The following ZFHX3 variants were observed in gnomAD, a reference collection of about 807,000 sequenced individuals.
ZFHX3 encodes zinc finger homeobox 3, also known as zinc finger homeobox protein 3.
In ZFHX3, 42 loss-of-function variants were observed where a neutral mutation model predicts 279.1. The observed-to-expected ratio is 0.15, with a 90% CI of 0.12 to 0.19. The LOEUF is 0.19. Ranked by LOEUF, ZFHX3 falls within the 10% of genes least tolerant of loss-of-function variation. ZFHX3 has a pLI of 1.00. For synonymous variants in ZFHX3, 2,293 were observed against 1,957.8 expected, an observed-to-expected ratio of 1.17 and a Z score of -4.52; for missense variants, 4,981 against 4,754.0, an observed-to-expected ratio of 1.05 and a Z score of -1.40.
chr16:73,285,523 G>T (rs1372731937), intron 4 of ZFHX3, among the ~76,000 whole-genome samples: 1 of 152,174 alleles, frequency 6.6e-6, no homozygotes, highest in East Asian at 1.9e-4. Flanking sequence ...GTGTCAGGAC[G>T]GGGGATCTGA....
intron 3 of ZFHX3, among the ~76,000 whole-genome samples, chr16:72,914,630 C>T (rs552014224): frequency 2.2e-4 from 33 of 152,036 alleles, no homozygotes; most frequent in Non-Finnish European, 3.8e-4. Flanking sequence ...GAAGCTCTTG[C>T]TTCTAGAGAA....
chr16:73,619,517 T>TATATATATATATATATATATATATA (rs2052337890), intron 2 of ZFHX3, among the ~76,000 whole-genome samples: 1 of 150,212 alleles, frequency 6.7e-6, no homozygotes, highest in African/African-American at 2.5e-5. Context: ...TATATATATA[T>TATATATATATATATATATATATATA]ATGTCTGTAA....
chr16:73,428,236 G>A (rs1009721946), intron 3 of ZFHX3, among the ~76,000 whole-genome samples: 1 of 152,064 alleles, frequency 6.6e-6, no homozygotes, highest in Non-Finnish European at 1.5e-5. Context: ...CCCCAGGGTC[G>A]GGGGCACACA....
rs549061251 is a variant in ZFHX3 at position 72,840,582 on chromosome 16, T to C, written c.3449-10723A>G. ...ACAAATGGCACACAACAGAGAAAAA[T>C]AAAACCATGACTCCAGAGGTCTGAG... On this transcript the variant is annotated intron_variant, in intron 4 of 9. Coordinates refer to ENST00000268489, the MANE Select transcript of ZFHX3 (RefSeq NM_006885.4). Among the ~76,000 whole-genome samples, 201 of 152,000 alleles carry C rather than the reference T, an allele frequency of 1.3e-3. 1 individual carries two copies. Among genetic ancestry groups the C allele is most frequent in the Admixed American group, 5.2e-3 (80 of 15,274 alleles).
chr16:73,127,276 G>A, intron 7 of ZFHX3: 1 of 1,215,470 alleles, frequency 8.2e-7, no homozygotes, highest in Non-Finnish European at 1.1e-6. Context: ...GAATGTGGAG[G>A]AAACTGACAG....
intron 3 of ZFHX3, chr16:73,402,439 A>G (rs1012787297): frequency 9.9e-5 from 15 of 152,260 alleles, no homozygotes; most frequent in Non-Finnish European, 5.9e-5. Flanking sequence ...CAGTTGAATT[A>G]CTAGAAAAAT....
rs1318548896 is a variant in ZFHX3 at position 73,682,914 on chromosome 16, AAGAGAGAAAGAG to A, written c.-1607-2686_-1607-2675del. On this transcript the variant is annotated intron_variant, in intron 1 of 17. Transcript: ENST00000641206. ...AGAAAGAAAGAAAGAAAGAGAAAGA[AAGAGAGAAAGAG>A]AAAGAAAGAAAGAAAGAAAGAAAGA... 6.3e-5 allele frequency among the ~76,000 whole-genome samples: 3 copies of A among 47,570 alleles called. 1 individual carries two copies. The highest frequency in any genetic ancestry group is 5.3e-4 in the Admixed American group (2 of 3,802). 31.2% of individuals were successfully genotyped at this position (47,570 alleles called of 152,430 possible).
intron 2 of ZFHX3, among the ~76,000 whole-genome samples, chr16:73,547,677 C>A (rs1377291706): frequency 6.6e-6 from 1 of 152,124 alleles, no homozygotes; most frequent in African/African-American, 2.4e-5. Flanking sequence ...AACACTAGGT[C>A]TAAAATGCCT....
intron 3 of ZFHX3, among the ~76,000 whole-genome samples, chr16:72,901,076 T>C (rs1356910293): frequency 6.6e-6 from 1 of 152,218 alleles, no homozygotes; most frequent in African/African-American, 2.4e-5. Flanking sequence ...AGATACTTCA[T>C]AAAAGTCAGA....
intron 1 of ZFHX3, among the ~76,000 whole-genome samples, chr16:73,849,614 A>G (rs1961544019): frequency 6.6e-6 from 1 of 152,230 alleles, no homozygotes; most frequent in Non-Finnish European, 1.5e-5. Flanking sequence ...TATTCAACAA[A>G]CTATGTTCCA....
intron 2 of ZFHX3, among the ~76,000 whole-genome samples, chr16:73,678,191 T>G (rs187615526): frequency 4.1e-4 from 62 of 152,258 alleles, no homozygotes; most frequent in African/African-American, 1.4e-3. Flanking sequence ...TGTTCATTTT[T>G]CGATAACAGG....
intron 2 of ZFHX3, among the ~76,000 whole-genome samples, chr16:73,463,322 T>TTAAG (rs940132680): frequency 2.8e-4 from 42 of 152,168 alleles, no homozygotes; most frequent in African/African-American, 8.9e-4. Flanking sequence ...TACAGAGAAG[T>TTAAG]TAAGTAAGCT....
At position 73,376,590 on chromosome 16, in the gene ZFHX3, T is replaced by C. The variant is rs570588978; in HGVS notation, c.-1290-58254A>G. Among the ~76,000 whole-genome samples the C allele has an allele frequency of 1.6e-4, 25 of 152,334 alleles. 1 individual carries two copies. The highest frequency in any genetic ancestry group is 5.5e-4 in the African/African-American group (23 of 41,584). On this transcript the variant is annotated intron_variant, in intron 3 of 17. Transcript: ENST00000641206. ...TGTGTGAGCAGCCATGTCGTGCTTT[T>C]TGCATCATTGGCTGGAGTCAATGTT... is the stretch of plus-strand genomic sequence containing the variant.
intron 7 of ZFHX3, among the ~76,000 whole-genome samples, chr16:73,118,318 C>T (rs541033637): frequency 7.2e-5 from 11 of 152,282 alleles, no homozygotes; most frequent in East Asian, 1.9e-4. Flanking sequence ...AAGTGATTCT[C>T]GTGCCTCAGC....
chr16:73,277,839 G>T (rs1377269158), intron 4 of ZFHX3, among the ~76,000 whole-genome samples: 2 of 152,182 alleles, frequency 1.3e-5, no homozygotes, highest in Non-Finnish European at 2.9e-5. Flanking sequence ...GAGGCCTCAA[G>T]AAGCTTCCAA....
intron 1 of ZFHX3, among the ~76,000 whole-genome samples, chr16:73,832,265 C>A (rs1961018764): frequency 6.6e-6 from 1 of 151,802 alleles, no homozygotes; most frequent in South Asian, 2.1e-4. Flanking sequence ...TGGCAGCAAT[C>A]CACCAGGGCT....
At chr16:73,020,567 G>T (rs1482249745) in intron 1 of ZFHX3, among the ~76,000 whole-genome samples, 2 of 152,206 alleles carry the variant, frequency 1.3e-5, no homozygotes, top group Non-Finnish European at 2.9e-5. Flanking sequence ...CCCCGGCCAG[G>T]CCCGTGGTGT....
In ZFHX3 at chr16:72,793,117, G is replaced by T; in HGVS notation, c.9427+138C>A. 6.9e-7 allele frequency: 1 copy of T among 1,442,296 alleles called. No homozygotes were observed. The highest frequency in any genetic ancestry group is 9.3e-7 in the Non-Finnish European group (1 of 1,080,070). 89.3% of individuals were successfully genotyped at this position (1,442,296 alleles called of 1,614,324 possible). A position where few individuals can be genotyped will look rare whatever the true frequency, so the allele number is the denominator to read the frequency against. On this transcript the variant is annotated intron_variant, in intron 9 of 9. Coordinates refer to ENST00000268489, the MANE Select transcript of ZFHX3 (RefSeq NM_006885.4). The surrounding 1 kb of genome is among the most constrained non-coding windows in gnomAD (Gnocchi z 4.3). ...GGAGACTCAACAGGAACGAACTGAA[G>T]TCTTGTTGCTTTTAAAGAACTAGAA...
chr16:72,843,375 G>A (rs1466258243), intron 4 of ZFHX3, among the ~76,000 whole-genome samples: 4 of 152,064 alleles, frequency 2.6e-5, no homozygotes, highest in Non-Finnish European at 2.9e-5. Flanking sequence ...GCCGGGCGTG[G>A]TGGCGGGCGC....
Sources: allele counts gnomAD v4.1 joint callset (sites outside exome capture counted in the v4.1 genomes callset), GRCh38; gene constraint gnomAD v4.1.1; non-coding constraint Gnocchi (gnomAD v3.1); transcripts MANE v1.5; gene names NCBI Gene and HGNC (gene_info 2026-07-23, HGNC 2026-07-21).